The following COBL variants were observed in gnomAD, a reference collection of about 807,000 sequenced individuals.
COBL encodes protein cordon-bleu.
A neutral mutation model predicts 98.8 loss-of-function variants in COBL; 51 were observed. The ratio of observed to expected loss-of-function variants is 0.52; its 90% confidence interval spans 0.41 to 0.65. COBL has a LOEUF of 0.65. COBL is among the 30% of genes least tolerant of loss of function. COBL has a pLI of 0.00. For synonymous variants in COBL, 634 were observed against 651.7 expected (o/e 0.97, Z 0.41); for missense variants, 1,617 against 1,617.5 (o/e 1.00, Z 0.01).
At chr7:51,238,416 T>C (rs1795472804) in intron 1 of COBL, among the ~76,000 whole-genome samples, 1 of 152,090 alleles carries the variant, frequency 6.6e-6, no homozygotes, top group Non-Finnish European at 1.5e-5. Context: ...TAAATGACAG[T>C]AGCGGGGCAG....
intron 6 of COBL, among the ~76,000 whole-genome samples, chr7:51,132,071 G>A (rs1021982662): frequency 7.2e-5 from 11 of 152,210 alleles, no homozygotes; most frequent in South Asian, 2.1e-4. Flanking sequence ...CTGCTGCAGC[G>A]CCTTGGTGAT....
intron 1 of COBL, among the ~76,000 whole-genome samples, chr7:51,307,817 C>A (rs946969849): frequency 1.3e-5 from 2 of 152,148 alleles, no homozygotes; most frequent in Non-Finnish European, 2.9e-5. Context: ...CAATTTAGAG[C>A]GTTGTCACAG....
intron 8 of COBL, among the ~76,000 whole-genome samples, chr7:51,039,336 G>A (rs542456773): frequency 6.6e-5 from 10 of 152,296 alleles, no homozygotes; most frequent in Admixed American, 3.3e-4. Flanking sequence ...TGGGTTCTGC[G>A]CTCTCACAAG....
intron 8 of COBL, among the ~76,000 whole-genome samples, chr7:51,041,553 G>A (rs1789202178): frequency 7.6e-6 from 1 of 131,546 alleles, no homozygotes. Context: ...GCGCGATCTC[G>A]GTTCACTGCA....
chr7:51,171,094 C>T (rs1787827682), intron 5 of COBL, among the ~76,000 whole-genome samples: 2 of 151,984 alleles, frequency 1.3e-5, no homozygotes, highest in Non-Finnish European at 2.9e-5. Context: ...AGAGCCATTG[C>T]CACACCCTCT....
chr7:51,088,476 TG>T (rs1794499763), intron 6 of COBL, among the ~76,000 whole-genome samples: 1 of 152,184 alleles, frequency 6.6e-6, no homozygotes, highest in Admixed American at 6.5e-5. Flanking sequence ...ATCATGGTCT[TG>T]TTTCCTGGAT....
chr7:51,291,696 GGTTGCAGTGAGCCGAGACCAC>G lies in COBL; in HGVS notation c.41+24876_41+24896del, dbSNP rs542910486. 2.1e-3 allele frequency among the ~76,000 whole-genome samples: 323 copies of G among 152,254 alleles called. 2 individuals carry two copies. The highest frequency in any genetic ancestry group is 3.9e-3 in the Non-Finnish European group (265 of 68,016). Reference sequence around the variant, plus strand: ...GAATCACTTGAACCCAGGAAGTGGAGGTTGCAGTGAGCCGAGACCACGCCATTGCACTCCAGCCAGGGCAAC... The same window carrying G: ...GAATCACTTGAACCCAGGAAGTGGAGGCCATTGCACTCCAGCCAGGGCAAC... On this transcript the variant is annotated intron_variant, in intron 1 of 12. Transcript: ENST00000265136.
At chr7:51,129,583 G>A (rs1025952324) in intron 6 of COBL, among the ~76,000 whole-genome samples, 1 of 152,076 alleles carries the variant, frequency 6.6e-6, no homozygotes, top group Admixed American at 6.6e-5. Flanking sequence ...GGTGTGTCAG[G>A]GAACACAGAA....
At chr7:51,249,825 G>C (rs573750928) in intron 1 of COBL, among the ~76,000 whole-genome samples, 41 of 152,260 alleles carry the variant, frequency 2.7e-4, no homozygotes, top group Non-Finnish European at 4.6e-4. Context: ...GCTTGAAGAA[G>C]AACATTTTTC....
chr7:51,155,281 T>C (rs1786006635), intron 5 of COBL, among the ~76,000 whole-genome samples: 1 of 152,046 alleles, frequency 6.6e-6, no homozygotes, highest in Non-Finnish European at 1.5e-5. Flanking sequence ...AGAGTTTTAC[T>C]TGGTAATAGA....
chr7:51,087,145 T>A (rs868377777), intron 6 of COBL, among the ~76,000 whole-genome samples: 11 of 148,740 alleles, frequency 7.4e-5, no homozygotes, highest in Non-Finnish European at 1.6e-4. Flanking sequence ...CACAGAGACA[T>A]ACACACACAC....
At chr7:51,033,056 TCAATAAGAATTAAAAAAAA>T (rs1242359694) in intron 8 of COBL, 2 of 152,032 alleles carry the variant, frequency 1.3e-5, no homozygotes, top group Non-Finnish European at 2.9e-5. Flanking sequence ...CATAATGATA[TCAATAAGAATTAAAAAAAA>T]TAATAAGATA....
At chr7:51,079,661 T>C (rs1793432046) in intron 7 of COBL, among the ~76,000 whole-genome samples, 1 of 152,202 alleles carries the variant, frequency 6.6e-6, no homozygotes, top group Admixed American at 6.5e-5. Flanking sequence ...GACAGGCACC[T>C]GAGGTGGCCA....
chr7:51,235,242 C>A (rs1235179304), intron 1 of COBL, among the ~76,000 whole-genome samples: 1 of 152,196 alleles, frequency 6.6e-6, no homozygotes, highest in African/African-American at 2.4e-5. Flanking sequence ...TAACCCCTCT[C>A]AGTTTTATAT....
chr7:51,272,449 T>C (rs1798846636), intron 1 of COBL, among the ~76,000 whole-genome samples: 1 of 152,182 alleles, frequency 6.6e-6, no homozygotes, highest in South Asian at 2.1e-4. Context: ...AAGCCAGAAC[T>C]ACAAAATAGT....
chr7:51,308,124 C>T (rs1183298971), intron 1 of COBL, among the ~76,000 whole-genome samples: 1 of 152,218 alleles, frequency 6.6e-6, no homozygotes, highest in Non-Finnish European at 1.5e-5. Context: ...ACTCTGGCTG[C>T]TGTCGATCAG....
At chr7:51,115,564 G>C (rs116238094) in intron 6 of COBL, among the ~76,000 whole-genome samples, 1,672 of 152,074 alleles carry the variant, frequency 0.011, 32 homozygotes, top group African/African-American at 0.039. Context: ...AAATATTTGA[G>C]GGTTGTCCTA....
At chr7:51,048,634 T>G (rs1480187963) in intron 7 of COBL, among the ~76,000 whole-genome samples, 1 of 144,674 alleles carries the variant, frequency 6.9e-6, no homozygotes, top group Non-Finnish European at 1.5e-5. Context: ...TATGCTTGAG[T>G]TTTTTTTTTT....
At chr7:51,283,595 C>T (rs1481215762) in intron 1 of COBL, among the ~76,000 whole-genome samples, 2 of 152,112 alleles carry the variant, frequency 1.3e-5, no homozygotes, top group Non-Finnish European at 2.9e-5. Flanking sequence ...AGCAATTCTC[C>T]TGCCTCAGCC....
Sources: allele counts gnomAD v4.1 joint callset (sites outside exome capture counted in the v4.1 genomes callset), GRCh38; gene constraint gnomAD v4.1.1; transcripts MANE v1.5; gene names NCBI Gene and HGNC (gene_info 2026-07-23, HGNC 2026-07-21).